The following SEMA3C variants were observed in gnomAD, a reference collection of about 807,000 sequenced individuals.
SEMA3C encodes the protein semaphorin-3C.
SEMA3C carries 47 observed loss-of-function variants against 89.4 expected under a neutral mutation model. The observed-to-expected ratio is 0.53, with a 90% confidence interval of 0.42 to 0.67. The LOEUF is 0.67. SEMA3C is among the 30% of genes least tolerant of loss of function. The pLI is 0.00. For synonymous variants in SEMA3C, 310 were observed against 320.2 expected (o/e 0.97, Z 0.34); for missense variants, 839 against 929.1 (o/e 0.90, Z 1.26).
chr7:80,804,494 A>G (rs1363660665), intron 7 of SEMA3C, among the ~76,000 whole-genome samples: 1 of 152,170 alleles, frequency 6.6e-6, no homozygotes, highest in Non-Finnish European at 1.5e-5. Flanking sequence ...AAAAATTGAA[A>G]AACTTTTCTA....
chr7:80,856,551 A>C (rs1790645481), intron 2 of SEMA3C, among the ~76,000 whole-genome samples: 1 of 151,244 alleles, frequency 6.6e-6, no homozygotes, highest in Non-Finnish European at 1.5e-5. Context: ...AAAAAAAAAA[A>C]AAAAAACTAG....
At chr7:80,868,152 T>G (rs61233293) in intron 2 of SEMA3C, among the ~76,000 whole-genome samples, 21,568 of 152,106 alleles carry the variant, frequency 0.14, 2,550 homozygotes, top group African/African-American at 0.32. Flanking sequence ...TGGAATAGAG[T>G]ATGGTGCATG....
At chr7:80,871,813 T>A (rs552701227) in intron 2 of SEMA3C, among the ~76,000 whole-genome samples, 1 of 152,328 alleles carries the variant, frequency 6.6e-6, no homozygotes, top group Admixed American at 6.5e-5. Flanking sequence ...ATTGAGTACC[T>A]CAAAGAACTA....
chr7:80,746,967 T>C (rs1287305619), intron 17 of SEMA3C, among the ~76,000 whole-genome samples: 1 of 152,020 alleles, frequency 6.6e-6, no homozygotes, highest in Non-Finnish European at 1.5e-5. Context: ...TGTGAGCTTT[T>C]ATCATTTGTC....
intron 2 of SEMA3C, among the ~76,000 whole-genome samples, chr7:80,877,887 C>T (rs1293525476): frequency 2.0e-5 from 3 of 152,122 alleles, no homozygotes; most frequent in Non-Finnish European, 2.9e-5. Context: ...GAAGGCAAAA[C>T]TCCTCCCAGG....
chr7:80,921,833 T>G (rs563373899), upstream of SEMA3C, among the ~76,000 whole-genome samples: 2 of 152,286 alleles, frequency 1.3e-5, no homozygotes, highest in East Asian at 3.9e-4. Flanking sequence ...TTTTTGATGG[T>G]CCTGAGGAAT....
rs1285901772 is a variant in SEMA3C, at chr7:80,769,861, CCCCAAAAAAAAAAAA to C, written c.1355-4633_1355-4619del. ...GGGATAGAGCAAGACTCTGTCCCCC[CCCCAAAAAAAAAAAA>C]AAAAAAAAAAAACCACAATACAAAA... is the stretch of plus-strand genomic sequence containing the variant. On this transcript the variant is annotated intron_variant, in intron 12 of 17. Transcript: ENST00000265361. 2.6e-5 allele frequency among the ~76,000 whole-genome samples: 3 copies of C among 116,846 alleles called. No homozygotes were observed. In the Admixed American group the frequency reaches 2.7e-4, roughly 11 times the overall value. 76.7% of individuals were successfully genotyped at this position (116,846 alleles called of 152,430 possible).
At chr7:80,831,399 G>A (rs948516301) in intron 2 of SEMA3C, among the ~76,000 whole-genome samples, 7 of 152,094 alleles carry the variant, frequency 4.6e-5, no homozygotes, top group African/African-American at 9.7e-5. Context: ...AAAGAGTCCC[G>A]GAGCTATACT....
chr7:80,835,112 G>A (rs1203792078), intron 2 of SEMA3C, among the ~76,000 whole-genome samples: 1 of 151,988 alleles, frequency 6.6e-6, no homozygotes, highest in East Asian at 1.9e-4. Flanking sequence ...ATAGGTAAAA[G>A]ACTCCTTGAT....
At chr7:80,868,626 G>A (rs1396054208) in intron 2 of SEMA3C, among the ~76,000 whole-genome samples, 1 of 152,074 alleles carries the variant, frequency 6.6e-6, no homozygotes, top group Non-Finnish European at 1.5e-5. Context: ...AATCATGTTT[G>A]TAACCAGAGG....
At chr7:80,751,192 A>G in intron 16 of SEMA3C, 77 bp downstream of exon 16, 2 of 1,178,600 alleles carry the variant, frequency 1.7e-6, no homozygotes, top group South Asian at 1.3e-5. Flanking sequence ...AATCTATGAC[A>G]ATGTTTCCCC....
chr7:80,919,091 G>C (rs13241392), upstream of SEMA3C: 1 of 985,160 alleles, frequency 1.0e-6, no homozygotes, highest in South Asian at 4.7e-5. Flanking sequence ...AGCGCTCTTG[G>C]TGTCCGATTA....
Position 80,868,897 on chromosome 7 carries a change from T to C in SEMA3C, c.104-40152A>G, listed in dbSNP as rs17154573. 6.7e-3 allele frequency among the ~76,000 whole-genome samples: 1,021 copies of C among 152,290 alleles called. 56 individuals are homozygous for C. In the East Asian group the frequency reaches 0.13, roughly 19 times the overall value. On this transcript the variant is annotated intron_variant, in intron 2 of 17. Coordinates refer to ENST00000265361, the MANE Select transcript of SEMA3C (RefSeq NM_006379.5). ...ATCTGTAAATTAGGACTTGCCCACA[T>C]TAAATGCATAACGAGGTTTTCTTTT...
chr7:80,904,044 AATTTT>A (rs956795775), intron 2 of SEMA3C, among the ~76,000 whole-genome samples: 2 of 152,044 alleles, frequency 1.3e-5, no homozygotes, highest in African/African-American at 2.4e-5. Context: ...AGGCCTATTT[AATTTT>A]ATTTTATTTG....
rs140235203 is a variant in SEMA3C at position 80,766,956 on chromosome 7, G to A, written c.1355-1713C>T. On this transcript the variant is annotated intron_variant, in intron 12 of 17. Coordinates refer to ENST00000265361, the MANE Select transcript of SEMA3C (RefSeq NM_006379.5). Reference sequence around the variant, plus strand: ...CGTGCTGGCAGGCCACCATGCCTGCGGACAGCTCACCCCAAGGCAGGAATC... The same window carrying A: ...CGTGCTGGCAGGCCACCATGCCTGCAGACAGCTCACCCCAAGGCAGGAATC... 2.4e-4 allele frequency among the ~76,000 whole-genome samples: 37 copies of A among 152,220 alleles called. 1 individual carries two copies. The East Asian group carries it at 6.2e-3, about 25-fold the overall frequency.
At chr7:80,801,180 C>T (rs961731380) in intron 9 of SEMA3C, among the ~76,000 whole-genome samples, 1 of 151,902 alleles carries the variant, frequency 6.6e-6, no homozygotes. Context: ...TTACAAGAGG[C>T]AAAGCTGTAG....
intron 2 of SEMA3C, among the ~76,000 whole-genome samples, chr7:80,865,193 T>C (rs894984608): frequency 2.6e-5 from 4 of 152,172 alleles, no homozygotes; most frequent in African/African-American, 9.7e-5. Context: ...AATAAATGTA[T>C]GGAAGTAAAA....
intron 5 of SEMA3C, 33 bp downstream of exon 5, chr7:80,818,266 T>A: frequency 1.3e-6 from 2 of 1,542,100 alleles, no homozygotes; most frequent in Non-Finnish European, 1.8e-6. Flanking sequence ...GACACTAATA[T>A]CAAAACTAAG....
chr7:80,747,935 T>A (rs1562855787), intron 17 of SEMA3C, among the ~76,000 whole-genome samples: 1 of 152,130 alleles, frequency 6.6e-6, no homozygotes, highest in Non-Finnish European at 1.5e-5. Context: ...TCGGAGAGTA[T>A]TTTTCCATAT....
Sources: allele counts gnomAD v4.1 joint callset (sites outside exome capture counted in the v4.1 genomes callset), GRCh38; gene constraint gnomAD v4.1.1; transcripts MANE v1.5; gene names NCBI Gene and HGNC (gene_info 2026-07-23, HGNC 2026-07-21).